The following ACYP2 variants were observed in gnomAD, a reference collection of about 807,000 sequenced individuals.
ACYP2 encodes the protein acylphosphatase 2.
A neutral mutation model predicts 11.2 loss-of-function variants in ACYP2; 12 were observed. The ratio of observed to expected loss-of-function variants is 1.08; its 90% confidence interval spans 0.69 to 1.74. The LOEUF (loss-of-function observed/expected upper bound fraction) is 1.74, where lower values mean the gene tolerates loss of function less well. ACYP2 is among the 40% of genes most tolerant of loss of function. The pLI, the probability that ACYP2 is intolerant of heterozygous loss-of-function variation, is 0.00. For missense variants in ACYP2, 134 were observed against 101.9 expected, an observed-to-expected ratio of 1.31 and a Z score of -1.35; for synonymous variants, 43 against 32.2, an observed-to-expected ratio of 1.33 and a Z score of -1.13.
At chr2:54,026,647 T>C (rs1342015229) in intron 2 of ACYP2, among the ~76,000 whole-genome samples, 1 of 152,180 alleles carries the variant, frequency 6.6e-6, no homozygotes, top group Non-Finnish European at 1.5e-5. Context: ...TGCAAAAATA[T>C]GGAACCAGCC....
intron 3 of ACYP2, among the ~76,000 whole-genome samples, chr2:54,054,511 T>G (rs1011348941): frequency 1.3e-5 from 2 of 152,204 alleles, no homozygotes; most frequent in African/African-American, 2.4e-5. Flanking sequence ...CTGCAAACAA[T>G]GGGTCATTTT....
intron 6 of ACYP2, among the ~76,000 whole-genome samples, chr2:54,283,449 A>G (rs1477866279): frequency 6.6e-6 from 1 of 152,142 alleles, no homozygotes; most frequent in Non-Finnish European, 1.5e-5. Context: ...GTAGTGCTTT[A>G]CATATATTAA....
At chr2:54,066,582 T>A (rs1218262204) in intron 4 of ACYP2, among the ~76,000 whole-genome samples, 2 of 152,236 alleles carry the variant, frequency 1.3e-5, no homozygotes, top group Admixed American at 1.3e-4. Flanking sequence ...CAATGTGCCA[T>A]AAAATCATCT....
At chr2:54,287,942 ACTCT>A (rs1276463723) in intron 6 of ACYP2, among the ~76,000 whole-genome samples, 1 of 151,758 alleles carries the variant, frequency 6.6e-6, no homozygotes, top group Admixed American at 6.6e-5. Flanking sequence ...CAGCACGTTG[ACTCT>A]CTATGCTGCT....
intron 6 of ACYP2, among the ~76,000 whole-genome samples, chr2:54,278,917 G>A (rs1158620768): frequency 6.6e-6 from 1 of 152,188 alleles, no homozygotes; most frequent in Non-Finnish European, 1.5e-5. Context: ...AAGGAAGAAT[G>A]ACATTTGTCC....
At chr2:54,136,078 T>A in intron 5 of ACYP2, among the ~76,000 whole-genome samples, 1 of 152,174 alleles carries the variant, frequency 6.6e-6, no homozygotes, top group East Asian at 1.9e-4. Context: ...TTTTTATTTT[T>A]AGTAGAGATG....
chr2:54,127,981 T>A (rs7355636), intron 4 of ACYP2, among the ~76,000 whole-genome samples: 7,838 of 152,260 alleles, frequency 0.051, 621 homozygotes, highest in African/African-American at 0.17. Context: ...TCTGTCATTA[T>A]GATTTGGGGA....
chr2:54,082,121 A>G (rs1490065210), intron 4 of ACYP2, among the ~76,000 whole-genome samples: 2 of 152,230 alleles, frequency 1.3e-5, no homozygotes, highest in Admixed American at 6.5e-5. Flanking sequence ...ATATCACAGT[A>G]ATTAGGAGAA....
intron 6 of ACYP2, among the ~76,000 whole-genome samples, chr2:54,288,543 G>A (rs991173613): frequency 6.6e-6 from 1 of 151,940 alleles, no homozygotes; most frequent in African/African-American, 2.4e-5. Context: ...TCCCTCAAAA[G>A]GAAAATTATT....
intron 6 of ACYP2, among the ~76,000 whole-genome samples, chr2:54,270,880 T>C (rs1688266718): frequency 6.6e-6 from 1 of 151,900 alleles, no homozygotes; most frequent in African/African-American, 2.4e-5. Flanking sequence ...TTGGTGAACA[T>C]TGTTTTTCTG....
chr2:54,149,295 G>A (rs1196124186), intron 6 of ACYP2, among the ~76,000 whole-genome samples: 1 of 152,204 alleles, frequency 6.6e-6, no homozygotes, highest in African/African-American at 2.4e-5. Context: ...TGTGATTATA[G>A]CAGCCCTGCT....
intron 6 of ACYP2, among the ~76,000 whole-genome samples, chr2:54,163,787 CAG>C (rs1682832750): frequency 6.6e-6 from 1 of 151,938 alleles, no homozygotes; most frequent in African/African-American, 2.4e-5. Flanking sequence ...ACCCAGGAGA[CAG>C]AGGTCGCAGT....
rs141844326 is a variant in ACYP2, at chr2:54,159,026, G to T, written c.404+20278G>T. On this transcript the variant is annotated intron_variant, in intron 6 of 6. Transcript: ENST00000607452. ...TGTAACTCTCTATATATACATAGTTGTATATATACTCTCTCTATATAGTAT... is the reference window on the plus strand; with the variant it reads ...TGTAACTCTCTATATATACATAGTTTTATATATACTCTCTCTATATAGTAT... 8.8e-4 allele frequency among the ~76,000 whole-genome samples: 134 copies of T among 152,090 alleles called. 1 individual carries two copies. Among genetic ancestry groups the T allele is most frequent in the African/African-American group, 3.2e-3 (131 of 41,464 alleles).
rs1020804889 is a variant in ACYP2, at chr2:54,185,389, G to C, written c.404+46641G>C. ...CAGTGGATGGCAGAGCTGGAAGATA[G>C]GAGATGAAAATACATGTGTTATTCA... On this transcript the variant is annotated intron_variant, in intron 6 of 6. Coordinates refer to ENST00000607452, the MANE Select transcript of ACYP2 (RefSeq NM_001320586.2). 3.3e-5 allele frequency among the ~76,000 whole-genome samples: 5 copies of C among 152,170 alleles called. No individual in the cohort carries two copies. The East Asian group carries it at 9.6e-4, about 29-fold the overall frequency.
intron 4 of ACYP2, among the ~76,000 whole-genome samples, chr2:54,119,843 GC>G (rs1398912755): frequency 6.6e-6 from 1 of 152,062 alleles, no homozygotes; most frequent in Non-Finnish European, 1.5e-5. Context: ...GATACATTTA[GC>G]CCCCTTGCCT....
At chr2:54,051,530 T>C (rs7590846) in intron 3 of ACYP2, 298,105 of 725,120 alleles carry the variant, frequency 0.41, 63,887 homozygotes, top group East Asian at 0.59. Context: ...TTCTGAGAAT[T>C]GCCCAAAAAT....
At chr2:54,252,453 G>A (rs144947078) in intron 6 of ACYP2, among the ~76,000 whole-genome samples, 1 of 152,274 alleles carries the variant, frequency 6.6e-6, no homozygotes, top group Non-Finnish European at 1.5e-5. Context: ...CACTGGTGCT[G>A]CCAAACAACT....
chr2:54,054,928 G>A (rs1333983567), intron 3 of ACYP2, among the ~76,000 whole-genome samples: 2 of 152,228 alleles, frequency 1.3e-5, no homozygotes, highest in Non-Finnish European at 2.9e-5. Flanking sequence ...TTCAGTAGTA[G>A]TGTGCAGACT....
At chr2:54,234,355 G>C (rs767394184) in intron 6 of ACYP2, among the ~76,000 whole-genome samples, 29 of 152,272 alleles carry the variant, frequency 1.9e-4, no homozygotes, top group Non-Finnish European at 3.8e-4. Context: ...GCTTTGATGG[G>C]CCACCTCTAC....
Sources: gnomAD v4.1 joint callset for allele counts (sites outside exome capture counted in the v4.1 genomes callset) on GRCh38, gnomAD v4.1.1 for gene constraint, MANE v1.5 for transcripts, NCBI Gene and HGNC (gene_info 2026-07-23, HGNC 2026-07-21) for gene names.